Variants in NRXN3 observed in about 807,000 individuals in gnomAD.
The protein encoded by NRXN3 is neurexin 3.
In NRXN3, 32 loss-of-function variants were observed where a neutral mutation model predicts 137.6. The observed-to-expected ratio is 0.23, with a 90% CI of 0.18 to 0.31. The LOEUF (loss-of-function observed/expected upper bound fraction) is 0.31. Ranked by LOEUF, NRXN3 falls within the 10% of genes least tolerant of loss-of-function variation. NRXN3 has a pLI of 1.00. For missense variants in NRXN3, 1,574 were observed against 2,062.5 expected (o/e 0.76, Z 4.59); for synonymous variants, 798 against 784.5 (o/e 1.02, Z -0.29).
chr14:79,182,065 G>A (rs758660240), intron 15 of NRXN3, among the ~76,000 whole-genome samples: 3 of 151,810 alleles, frequency 2.0e-5, no homozygotes, highest in Non-Finnish European at 2.9e-5. Context: ...TTATAATCAT[G>A]GTCCTCCAAA....
At chr14:78,306,573 A>T (rs901601809) in intron 4 of NRXN3, among the ~76,000 whole-genome samples, 1 of 152,198 alleles carries the variant, frequency 6.6e-6, no homozygotes, top group African/African-American at 2.4e-5. Flanking sequence ...AGGCTTGTAC[A>T]TGCCATGGTC....
chr14:78,833,731 GT>G (rs57450537), intron 10 of NRXN3, among the ~76,000 whole-genome samples: 151,706 of 152,254 alleles, frequency 1, 75,583 homozygotes, highest in East Asian at 1. Context: ...AAATCTAAAT[GT>G]TTTTAAGGTG....
chr14:78,277,203 G>T (rs2073729201), intron 2 of NRXN3, among the ~76,000 whole-genome samples: 1 of 152,192 alleles, frequency 6.6e-6, no homozygotes. Flanking sequence ...GGACACACTG[G>T]AGCTTTACAA....
chr14:79,413,434 C>T (rs1009032152), intron 15 of NRXN3, among the ~76,000 whole-genome samples: 4 of 152,038 alleles, frequency 2.6e-5, no homozygotes, highest in East Asian at 1.9e-4. Flanking sequence ...GCTGCCATTA[C>T]GCAGTTTTGG....
At chr14:78,819,495 T>TATAAGA (rs1404367614) in intron 10 of NRXN3, among the ~76,000 whole-genome samples, 15 of 152,162 alleles carry the variant, frequency 9.9e-5, no homozygotes. Flanking sequence ...ATGCACATAA[T>TATAAGA]ATAAGACACC....
intron 15 of NRXN3, among the ~76,000 whole-genome samples, chr14:78,994,248 T>C (rs1366040876): frequency 1.3e-5 from 2 of 152,302 alleles, no homozygotes; most frequent in East Asian, 3.9e-4. Context: ...AGGGAAAATA[T>C]ATGCTGCAGT....
intron 15 of NRXN3, among the ~76,000 whole-genome samples, chr14:79,256,140 C>T (rs982735106): frequency 6.6e-6 from 1 of 151,790 alleles, no homozygotes; most frequent in Non-Finnish European, 1.5e-5. Flanking sequence ...TTCTCTCTCT[C>T]TCTGTCTGTC....
chr14:79,710,817 C>CATTGGGTGTCTCATAA (rs1431684260), intron 19 of NRXN3, among the ~76,000 whole-genome samples: 7 of 152,176 alleles, frequency 4.6e-5, no homozygotes, highest in African/African-American at 1.7e-4. Flanking sequence ...ATTCCACAAA[C>CATTGGGTGTCTCATAA]ATTGGGTGTC....
chr14:79,467,562 G>A (rs1327756943), intron 16 of NRXN3, among the ~76,000 whole-genome samples, 160 bp downstream of exon 16: 1 of 152,030 alleles, frequency 6.6e-6, no homozygotes, highest in Non-Finnish European at 1.5e-5. Context: ...AGGGTTCCTG[G>A]GGGAAAAAAA....
intron 16 of NRXN3, among the ~76,000 whole-genome samples, chr14:79,498,811 G>T (rs1006751628): frequency 4.6e-5 from 7 of 152,152 alleles, no homozygotes; most frequent in Non-Finnish European, 1.0e-4. Context: ...AAGAGACAGG[G>T]TCTTGCTCTG....
At chr14:79,245,938 G>T (rs2075107765) in intron 15 of NRXN3, among the ~76,000 whole-genome samples, 1 of 152,100 alleles carries the variant, frequency 6.6e-6, no homozygotes, top group Admixed American at 6.6e-5. Context: ...AGGGTCATAG[G>T]TCCTTAGATT....
chr14:79,387,531 A>G (rs959893554), intron 15 of NRXN3, among the ~76,000 whole-genome samples: 179 of 152,258 alleles, frequency 1.2e-3, no homozygotes, highest in African/African-American at 3.2e-3. Flanking sequence ...CAACCATTGT[A>G]GAAGTCAGTG....
At chr14:78,672,410 A>C (rs1413585449) in intron 6 of NRXN3, among the ~76,000 whole-genome samples, 1 of 152,214 alleles carries the variant, frequency 6.6e-6, no homozygotes, top group Admixed American at 6.5e-5. Context: ...CCATGTATTA[A>C]GTACATGCAG....
intron 4 of NRXN3, among the ~76,000 whole-genome samples, chr14:78,591,015 C>A (rs2097111316): frequency 6.6e-6 from 1 of 152,052 alleles, no homozygotes; most frequent in South Asian, 2.1e-4. Flanking sequence ...GCTATGTCTG[C>A]AAAAAAGAGG....
chr14:79,211,169 G>T (rs2067606163), intron 15 of NRXN3, among the ~76,000 whole-genome samples: 1 of 151,990 alleles, frequency 6.6e-6, no homozygotes, highest in African/African-American at 2.4e-5. Flanking sequence ...TATTGACTTT[G>T]GGCAAACTAG....
intron 15 of NRXN3, among the ~76,000 whole-genome samples, chr14:79,445,133 A>G (rs1284681276): frequency 6.6e-6 from 1 of 152,124 alleles, no homozygotes; most frequent in Non-Finnish European, 1.5e-5. Context: ...CGAGGTCAAG[A>G]GATCAAGACC....
chr14:78,862,247 G>T (rs890660579), intron 10 of NRXN3, among the ~76,000 whole-genome samples: 2 of 151,494 alleles, frequency 1.3e-5, no homozygotes, highest in South Asian at 4.2e-4. Flanking sequence ...AAATAGCAAA[G>T]ATAGATAGAT....
intron 15 of NRXN3, among the ~76,000 whole-genome samples, chr14:79,446,605 T>A (rs1225100856): frequency 2.0e-5 from 3 of 152,084 alleles, no homozygotes; most frequent in Non-Finnish European, 4.4e-5. Context: ...ATAAGGTACC[T>A]ACTAATCCTC....
chr14:78,694,860 A>G (rs927221805), intron 6 of NRXN3, among the ~76,000 whole-genome samples: 2 of 152,094 alleles, frequency 1.3e-5, no homozygotes, highest in African/African-American at 2.4e-5. Context: ...TTTTATTGCA[A>G]GTCAAAGTCT....
Sources: allele counts gnomAD v4.1 joint callset (sites outside exome capture counted in the v4.1 genomes callset), GRCh38; gene constraint gnomAD v4.1.1; transcripts MANE v1.5; gene names NCBI Gene and HGNC (gene_info 2026-07-23, HGNC 2026-07-21).